Variants in P4HA3 observed in about 807,000 individuals in gnomAD.
The protein encoded by P4HA3 is prolyl 4-hydroxylase subunit alpha 3.
A neutral mutation model predicts 66.7 loss-of-function variants in P4HA3; 60 were observed. That is an observed-to-expected ratio of 0.90 (90% CI 0.73 to 1.12). The LOEUF is 1.12. P4HA3 is among the 50% of genes most tolerant of loss of function. The pLI, the probability that P4HA3 is intolerant of heterozygous loss-of-function variation, is 0.00. For missense variants in P4HA3, 683 were observed against 685.8 expected (o/e 1.00, Z 0.05); for synonymous variants, 263 against 274.6 (o/e 0.96, Z 0.42).
intron 15 of P4HA3, chr11:74,250,900 A>C: frequency 2.7e-6 from 4 of 1,467,972 alleles, no homozygotes; most frequent in Non-Finnish European, 3.7e-6. Context: ...ATGAGGCTGC[A>C]TAAGAGAGGG....
chr11:74,302,687 T>C, intron 2 of P4HA3, 95 bp from the exon 3 acceptor site: 1 of 1,156,146 alleles, frequency 8.6e-7, no homozygotes, highest in Non-Finnish European at 1.2e-6. Context: ...AAATATTTAA[T>C]GACATCAAGT....
chr11:74,298,212 C>G lies in P4HA3; in HGVS notation c.717G>C (p.Arg239=), dbSNP rs776958101. The G allele has an allele frequency of 6.2e-7, 1 of 1,612,942 alleles. No individual in the cohort carries two copies. The highest frequency in any genetic ancestry group is 8.5e-7 in the Non-Finnish European group (1 of 1,179,386). Residue 239 remains arginine (R), a splice_region_variant and synonymous_variant, in exon 4 of 13, where the codon CGG becomes CGC. Transcript: ENST00000331597. ...ALDHLAFAYF[R]AGNVSCALSL... ...CAGTGAGCTTCACTTACTCCCTTAC[C>G]CGGAAATAAGCAAAGGCCAAGTGAT...
At chr11:74,293,273 G>A (rs1288671838) in intron 4 of P4HA3, among the ~76,000 whole-genome samples, 2 of 151,958 alleles carry the variant, frequency 1.3e-5, no homozygotes, top group East Asian at 3.9e-4. Context: ...TGCAACCCCT[G>A]CCTTTTTTTG....
intron 4 of P4HA3, among the ~76,000 whole-genome samples, chr11:74,296,939 T>C (rs1248228287): frequency 2.0e-5 from 3 of 149,486 alleles, no homozygotes; most frequent in African/African-American, 4.9e-5. Context: ...TTTTTCTTTT[T>C]TTTTTTTTTT....
intron 4 of P4HA3, among the ~76,000 whole-genome samples, chr11:74,296,361 ATTT>A (rs888145192): frequency 6.6e-6 from 1 of 152,082 alleles, no homozygotes; most frequent in Non-Finnish European, 1.5e-5. Context: ...AGTTATTAAA[ATTT>A]TTTTTACTAA....
intron 4 of P4HA3, among the ~76,000 whole-genome samples, chr11:74,296,208 T>A (rs1372144381): frequency 6.6e-6 from 1 of 152,222 alleles, no homozygotes; most frequent in Non-Finnish European, 1.5e-5. Context: ...GTGAGCATCA[T>A]TATTCCTCTT....
chr11:74,270,650 T>C (rs1860164110), intron 10 of P4HA3, among the ~76,000 whole-genome samples: 1 of 152,152 alleles, frequency 6.6e-6, no homozygotes. Flanking sequence ...GTTACAATCG[T>C]TATTATTTTT....
chr11:74,302,190 A>G (rs1861428768), intron 3 of P4HA3, among the ~76,000 whole-genome samples, 179 bp downstream of exon 3: 2 of 152,174 alleles, frequency 1.3e-5, no homozygotes, highest in African/African-American at 2.4e-5. Flanking sequence ...AAATTGCATA[A>G]TCTTAGGGCA....
At chr11:74,283,945 TGTTTTTCTCCATTGTGCACTAA>T (rs1274681576) in intron 7 of P4HA3, among the ~76,000 whole-genome samples, 42 of 152,362 alleles carry the variant, frequency 2.8e-4, no homozygotes, top group African/African-American at 9.9e-4. Context: ...TGTAAATATT[TGTTTTTCTCCATTGTGCACTAA>T]GTTTCCAAGA....
chr11:74,266,980 T>G lies in P4HA3; in HGVS notation c.*268A>C. 1 of 1,451,120 alleles carries G rather than the reference T, an allele frequency of 6.9e-7. No individual in the cohort carries two copies. Among genetic ancestry groups the G allele is most frequent in the African/African-American group, 1.4e-5 (1 of 70,972 alleles). The allele number at this position is 1,451,120 out of a possible 1,614,324, so 89.9% of individuals were successfully genotyped here. ...TGTTCCCAACAGAGAGTATCTGAAC[T>G]CCAGAAACTTCCCTCTCAGGCCTCC... is the stretch of plus-strand genomic sequence containing the variant. On this transcript the variant is annotated 3_prime_UTR_variant, in exon 13 of 13. Coordinates refer to ENST00000331597, the MANE Select transcript of P4HA3 (RefSeq NM_182904.5).
rs1565403033 is a variant in P4HA3 at position 74,267,333 on chromosome 11, G to A, written c.1565-15C>T. 6.2e-7 allele frequency: 1 copy of A among 1,613,416 alleles called. No homozygotes were observed. The highest frequency in any genetic ancestry group is 1.1e-5 in the South Asian group (1 of 91,026). ...CTTGTTGGCCACTGGGAGAGAACAG[G>A]GAAGAAGGAGACAGCAGGCTCAGCA... On this transcript the variant is annotated splice_polypyrimidine_tract_variant and intron_variant, in intron 12 of 12. Transcript: ENST00000331597.
Position 74,298,290 on chromosome 11 carries a change from T to A in P4HA3, c.639A>T (p.Gly213=), listed in dbSNP as rs758628000. 6.2e-7 allele frequency: 1 copy of A among 1,614,068 alleles called. No homozygotes were observed. Among genetic ancestry groups the A allele is most frequent in the Non-Finnish European group, 8.5e-7 (1 of 1,179,982 alleles). ...CCTCTGTCTTCCACTCTCCGTAAGA[T>A]CCTCGGAAGAGACTGACAGCCTCCT... ...WLEEAVSLFR[G]SYGEWKTEDE... is the part of the protein sequence containing the mutation. Residue 213 remains glycine, a synonymous_variant, in exon 4 of 13, where the codon GGA becomes GGT. Coordinates refer to ENST00000331597, the MANE Select transcript of P4HA3 (RefSeq NM_182904.5).
intron 1 of P4HA3, among the ~76,000 whole-genome samples, chr11:74,310,911 G>A (rs2134844733): frequency 6.6e-6 from 1 of 152,268 alleles, no homozygotes; most frequent in East Asian, 1.9e-4. Flanking sequence ...CAATACTTGC[G>A]TAGCTAAAGC....
intron 8 of P4HA3, among the ~76,000 whole-genome samples, chr11:74,277,484 G>A (rs1860441844): frequency 6.6e-6 from 1 of 152,208 alleles, no homozygotes; most frequent in African/African-American, 2.4e-5. Flanking sequence ...GTGATTTAGA[G>A]AAATGTGACG....
intron 7 of P4HA3, among the ~76,000 whole-genome samples, chr11:74,281,295 C>A (rs1860585705): frequency 6.6e-6 from 1 of 151,338 alleles, no homozygotes; most frequent in South Asian, 2.1e-4. Flanking sequence ...ACTAGTTCAA[C>A]CATTGTGGAA....
intron 8 of P4HA3, among the ~76,000 whole-genome samples, chr11:74,278,632 T>C (rs1326071848): frequency 6.6e-6 from 1 of 152,142 alleles, no homozygotes; most frequent in East Asian, 1.9e-4. Context: ...TCTCTGACAC[T>C]AGAATATCAG....
At chr11:74,271,390 T>G (rs1860191563) in intron 10 of P4HA3, among the ~76,000 whole-genome samples, 4 of 152,196 alleles carry the variant, frequency 2.6e-5, no homozygotes, top group Admixed American at 1.3e-4. Context: ...TGGAAAGGAA[T>G]GACATAGCCA....
intron 4 of P4HA3, among the ~76,000 whole-genome samples, chr11:74,290,062 A>T (rs1591118301): frequency 1.3e-5 from 2 of 152,190 alleles, no homozygotes; most frequent in African/African-American, 2.4e-5. Flanking sequence ...TCCCACCAAC[A>T]GTGTAAAAGT....
At position 74,267,186 on chromosome 11, in the gene P4HA3, C is replaced by T. The variant is rs868787236; in HGVS notation, c.*62G>A. On this transcript the variant is annotated 3_prime_UTR_variant, in exon 13 of 13. Transcript: ENST00000331597. ...TCTGCTTTCTCCTCTCCTACCCCAGCTTTTGGCTCCTGGCTTCTCTGGAAA... is the reference window on the plus strand; with the variant it reads ...TCTGCTTTCTCCTCTCCTACCCCAGTTTTTGGCTCCTGGCTTCTCTGGAAA... 6.2e-7 allele frequency: 1 copy of T among 1,610,864 alleles called. No individual in the cohort carries two copies. The highest frequency in any genetic ancestry group is 2.2e-5 in the East Asian group (1 of 44,854).
Sources: gnomAD v4.1 joint callset for allele counts (sites outside exome capture counted in the v4.1 genomes callset) on GRCh38, gnomAD v4.1.1 for gene constraint, MANE v1.5 for transcripts, NCBI Gene and HGNC (gene_info 2026-07-23, HGNC 2026-07-21) for gene names.